GARNL3: variants seen among roughly 807,000 people sequenced by gnomAD.
The protein encoded by GARNL3 is GTPase activating Rap/RanGAP domain like 3.
Under a neutral mutation model 125.0 loss-of-function variants are expected in GARNL3, and 63 were observed. The observed-to-expected ratio is 0.50, with a 90% CI of 0.41 to 0.62. The LOEUF is 0.62. GARNL3 is among the 20% of genes least tolerant of loss of function. GARNL3 has a pLI of 0.00. For synonymous variants in GARNL3, 439 were observed against 457.5 expected (o/e 0.96, Z 0.52); for missense variants, 994 against 1,244.0 (o/e 0.80, Z 3.02).
At chr9:127,389,591 G>T (rs1449324283) in intron 26 of GARNL3, among the ~76,000 whole-genome samples, 1 of 152,084 alleles carries the variant, frequency 6.6e-6, no homozygotes, top group African/African-American at 2.4e-5. Flanking sequence ...CAGGTCTGTG[G>T]ATAGAACAGA....
intron 1 of GARNL3, among the ~76,000 whole-genome samples, chr9:127,282,120 C>G (rs909028886): frequency 6.6e-6 from 1 of 152,174 alleles, no homozygotes; most frequent in South Asian, 2.1e-4. Context: ...ATGTGTGTCT[C>G]TTACTCCCTC....
intron 1 of GARNL3, among the ~76,000 whole-genome samples, chr9:127,270,105 G>A (rs2063789666): frequency 6.6e-6 from 1 of 151,976 alleles, no homozygotes; most frequent in Non-Finnish European, 1.5e-5. Context: ...TTTTCTATAT[G>A]GTGTGAGGTA....
rs539691868 is a variant in GARNL3, at chr9:127,321,734, G to C, written c.567+956G>C. The stretch of plus-strand genomic sequence containing the variant: ...GCCTGTCATGTGTGAAGCTGAGATT[G>C]AAGTAGTTGGGTACGCCAGGGATGG... On this transcript the variant is annotated intron_variant, in intron 6 of 27. Transcript: ENST00000373387. 1.4e-4 allele frequency among the ~76,000 whole-genome samples: 22 copies of C among 152,316 alleles called. No individual in the cohort carries two copies. The South Asian group carries it at 4.4e-3, about 30-fold the overall frequency.
chr9:127,369,522 T>C (rs1406195306), intron 22 of GARNL3, among the ~76,000 whole-genome samples: 1 of 152,138 alleles, frequency 6.6e-6, no homozygotes, highest in Non-Finnish European at 1.5e-5. Context: ...AAGGCAGGGA[T>C]TACCAGGAGC....
chr9:127,263,969 T>C, upstream of GARNL3: 2 of 1,528,932 alleles, frequency 1.3e-6, no homozygotes, highest in Non-Finnish European at 1.7e-6. Context: ...ATTTAGAAAA[T>C]GCAACCTACC....
At chr9:127,344,419 C>G (rs754015552) in intron 15 of GARNL3, 80 bp downstream of exon 15, 1 of 896,024 alleles carries the variant, frequency 1.1e-6, no homozygotes, top group African/African-American at 1.7e-5. Flanking sequence ...TGTGCAAAGA[C>G]TTTGTTTGCC....
intron 22 of GARNL3, among the ~76,000 whole-genome samples, chr9:127,381,120 G>T (rs1000069838): frequency 4.4e-5 from 5 of 114,916 alleles, no homozygotes; most frequent in African/African-American, 1.5e-4. Context: ...CTCGTGATCC[G>T]CCCACCTCGG....
rs758618292 is a variant in GARNL3, at chr9:127,311,655, G to C, written c.239G>C (p.Gly80Ala). 3 of 1,613,760 alleles carry C rather than the reference G, an allele frequency of 1.9e-6. No individual in the cohort carries two copies. Among genetic ancestry groups the C allele is most frequent in the Non-Finnish European group, 2.5e-6 (3 of 1,179,674 alleles). ...SSDENATALP[G>A]TWRRTDVHLE... is the part of the protein sequence containing the mutation. ...TTACAGAATGCAACTGCCCTGCCTGGTACTTGGCGAAGAACAGACGTGCAC... is the reference window on the plus strand; with the variant it reads ...TTACAGAATGCAACTGCCCTGCCTGCTACTTGGCGAAGAACAGACGTGCAC... The change falls in exon 3 of 28, where the codon GGT becomes GCT. Residue 80 changes from glycine (G) to alanine (A), a missense_variant. By Grantham distance (60) the Gly-to-Ala change is moderately conservative. Around this residue, in one of 5 missense-constraint regions of GARNL3, gnomAD observed 139 missense variants for 231.6 expected, o/e 0.60. Transcript: ENST00000373387.
At chr9:127,334,195 A>G (rs550428522) in intron 9 of GARNL3, among the ~76,000 whole-genome samples, 1 of 152,256 alleles carries the variant, frequency 6.6e-6, no homozygotes, top group African/African-American at 2.4e-5. Flanking sequence ...TGAGTGGGGA[A>G]GGTAGGTAAG....
At chr9:127,333,155 T>C (rs1829358906) in intron 9 of GARNL3, 34 bp downstream of exon 9, 3 of 1,541,910 alleles carry the variant, frequency 1.9e-6, no homozygotes, top group Non-Finnish European at 1.8e-6. Flanking sequence ...CTGTTGTAAT[T>C]TGTATAACTT....
chr9:127,376,201 C>A (rs1216937882), intron 22 of GARNL3, among the ~76,000 whole-genome samples: 2 of 152,168 alleles, frequency 1.3e-5, no homozygotes, highest in African/African-American at 4.8e-5. Flanking sequence ...CTCAAGTGAT[C>A]CACCTGCCTC....
intron 22 of GARNL3, among the ~76,000 whole-genome samples, chr9:127,366,318 T>A (rs1831285350): frequency 6.6e-6 from 1 of 152,222 alleles, no homozygotes; most frequent in African/African-American, 2.4e-5. Context: ...CAACAATAAA[T>A]TGCTCTTTGG....
intron 2 of GARNL3, among the ~76,000 whole-genome samples, chr9:127,295,971 T>A (rs2064578850): frequency 6.6e-6 from 1 of 152,198 alleles, no homozygotes; most frequent in Admixed American, 6.5e-5. Context: ...TGAGCTTGTT[T>A]TCCTGCAAAT....
intron 2 of GARNL3, among the ~76,000 whole-genome samples, chr9:127,255,905 G>C (rs1011031147): frequency 6.6e-6 from 1 of 152,154 alleles, no homozygotes; most frequent in African/African-American, 2.4e-5. Context: ...AGAAACACCT[G>C]TTCCAAATAG....
At chr9:127,238,591 A>C (rs1467462153) in intron 1 of GARNL3, among the ~76,000 whole-genome samples, 1 of 152,218 alleles carries the variant, frequency 6.6e-6, no homozygotes, top group Non-Finnish European at 1.5e-5. Flanking sequence ...GGATACCCCC[A>C]TGTCCTCTCC....
intron 19 of GARNL3, 123 bp downstream of exon 19, chr9:127,354,533 A>G (rs1830585179): frequency 1.7e-6 from 1 of 602,070 alleles, no homozygotes; most frequent in South Asian, 2.2e-5. Context: ...TTGTTTGGAA[A>G]CATCACAAAA....
intron 1 of GARNL3, among the ~76,000 whole-genome samples, chr9:127,277,543 T>C (rs1001664097): frequency 1.3e-5 from 2 of 151,858 alleles, no homozygotes; most frequent in Non-Finnish European, 2.9e-5. Context: ...ATTCCTGCTG[T>C]AATAACAACA....
intron 2 of GARNL3, among the ~76,000 whole-genome samples, chr9:127,302,492 C>T (rs1180491596): frequency 6.6e-6 from 1 of 152,132 alleles, no homozygotes; most frequent in Non-Finnish European, 1.5e-5. Context: ...GAGGTAGACA[C>T]ATATGTACTA....
rs562028935 is a variant in GARNL3 at position 127,383,147 on chromosome 9, C to T, written c.2162-291C>T. On this transcript the variant is annotated intron_variant, in intron 22 of 27. Transcript: ENST00000373387. ...TGTAAAGTGAGTGTAATAATGGTATCTACTTTGTGAAGTTCTACAGATTAA... is the reference window on the plus strand; with the variant it reads ...TGTAAAGTGAGTGTAATAATGGTATTTACTTTGTGAAGTTCTACAGATTAA... Among the ~76,000 whole-genome samples the T allele has an allele frequency of 6.6e-5, 10 of 152,336 alleles. No homozygotes were observed. In the South Asian group the frequency reaches 2.1e-3, roughly 32 times the overall value.
Sources: allele counts gnomAD v4.1 joint callset (sites outside exome capture counted in the v4.1 genomes callset), GRCh38; gene constraint gnomAD v4.1.1; regional missense constraint gnomAD v4.1.1; transcripts MANE v1.5; gene names NCBI Gene and HGNC (gene_info 2026-07-23, HGNC 2026-07-21).